The following SDK1 variants were observed in gnomAD, a reference collection of about 807,000 sequenced individuals.
The protein encoded by SDK1 is protein sidekick-1.
SDK1 carries 157 observed loss-of-function variants against 245.5 expected under a neutral mutation model. That is an observed-to-expected ratio of 0.64 (90% CI 0.56 to 0.73). The LOEUF (loss-of-function observed/expected upper bound fraction) is 0.73, where lower values mean the gene tolerates loss of function less well. Ranked by LOEUF, SDK1 falls within the 30% of genes least tolerant of loss-of-function variation. The probability of loss-of-function intolerance (pLI) is 0.00; values close to 1 mark genes in which losing one functional copy is unlikely to be tolerated. For synonymous variants in SDK1, 1,647 were observed against 1,278.5 expected (o/e 1.29, Z -6.15); for missense variants, 3,583 against 3,002.3 (o/e 1.19, Z -4.52).
intron 5 of SDK1, among the ~76,000 whole-genome samples, chr7:3,946,535 T>C (rs769986623): frequency 6.6e-6 from 1 of 152,078 alleles, no homozygotes; most frequent in Non-Finnish European, 1.5e-5. Context: ...TAGGCTCATC[T>C]CAAACTCTTG....
At chr7:3,887,251 C>G (rs1485115889) in intron 5 of SDK1, among the ~76,000 whole-genome samples, 1 of 152,116 alleles carries the variant, frequency 6.6e-6, no homozygotes, top group African/African-American at 2.4e-5. Context: ...TGACTGGAGA[C>G]TTGTGCTTGG....
At chr7:3,434,312 A>G (rs575508570) in intron 1 of SDK1, among the ~76,000 whole-genome samples, 3 of 152,146 alleles carry the variant, frequency 2.0e-5, no homozygotes, top group Non-Finnish European at 2.9e-5. Context: ...AGGAGCCTGT[A>G]AGAGAATTTC....
intron 1 of SDK1, among the ~76,000 whole-genome samples, chr7:3,616,086 C>G (rs1562604660): frequency 1.3e-5 from 2 of 152,116 alleles, no homozygotes; most frequent in African/African-American, 2.4e-5. Flanking sequence ...TGGGGTCTCA[C>G]TGTGTTGTCC....
chr7:4,017,679 A>C (rs951873302), intron 17 of SDK1, among the ~76,000 whole-genome samples: 2 of 152,204 alleles, frequency 1.3e-5, no homozygotes, highest in Admixed American at 1.3e-4. Flanking sequence ...TTTCACAGGA[A>C]AGCTGGCTGT....
intron 2 of SDK1, among the ~76,000 whole-genome samples, chr7:3,638,093 C>T (rs751998257): frequency 4.6e-5 from 7 of 152,232 alleles, no homozygotes; most frequent in African/African-American, 7.2e-5. Context: ...TAACCTTTCT[C>T]ATTCAACCAG....
chr7:3,348,937 A>T (rs141229736), intron 1 of SDK1, among the ~76,000 whole-genome samples: 79 of 152,294 alleles, frequency 5.2e-4, no homozygotes, highest in African/African-American at 1.8e-3. Flanking sequence ...AAAGAGTTTG[A>T]TGCCATGTAG....
At chr7:3,907,210 G>T (rs886148267) in intron 5 of SDK1, among the ~76,000 whole-genome samples, 3 of 152,030 alleles carry the variant, frequency 2.0e-5, no homozygotes, top group East Asian at 3.9e-4. Context: ...GCACATTGTT[G>T]TGTAAACATC....
chr7:3,913,431 C>A (rs1256311333), intron 5 of SDK1, among the ~76,000 whole-genome samples: 1 of 151,930 alleles, frequency 6.6e-6, no homozygotes, highest in Non-Finnish European at 1.5e-5. Context: ...GTAGCTGGGA[C>A]TACAGGCGCT....
At chr7:3,355,564 A>G (rs1002766031) in intron 1 of SDK1, among the ~76,000 whole-genome samples, 8 of 152,150 alleles carry the variant, frequency 5.3e-5, no homozygotes, top group African/African-American at 1.9e-4. Flanking sequence ...TCACCTTCTT[A>G]GATCTTCCCC....
intron 1 of SDK1, among the ~76,000 whole-genome samples, chr7:3,371,859 G>A (rs1781236099): frequency 6.6e-6 from 1 of 152,110 alleles, no homozygotes; most frequent in Admixed American, 6.5e-5. Flanking sequence ...CCTGACAGTC[G>A]GCCAAAATTA....
chr7:3,486,813 C>G (rs1781709899), intron 1 of SDK1, among the ~76,000 whole-genome samples: 1 of 152,024 alleles, frequency 6.6e-6, no homozygotes, highest in Non-Finnish European at 1.5e-5. Flanking sequence ...TGTCCTAAAA[C>G]TTAGATAATT....
intron 1 of SDK1, among the ~76,000 whole-genome samples, chr7:3,481,495 T>A (rs962904392): frequency 5.9e-5 from 9 of 152,238 alleles, no homozygotes; most frequent in African/African-American, 1.9e-4. Flanking sequence ...TTTGGACTGT[T>A]AGTGAGCCTC....
chr7:3,353,137 A>C (rs979052981), intron 1 of SDK1, among the ~76,000 whole-genome samples: 2 of 152,050 alleles, frequency 1.3e-5, no homozygotes, highest in African/African-American at 4.8e-5. Flanking sequence ...TCCTGTTATC[A>C]TTGTTCCCTT....
chr7:3,657,666 C>G (rs150540992), intron 4 of SDK1, among the ~76,000 whole-genome samples: 10 of 152,232 alleles, frequency 6.6e-5, no homozygotes, highest in East Asian at 3.9e-4. Flanking sequence ...GTGGAAGGAG[C>G]TGGCCATCCT....
In SDK1 at chr7:4,265,397, G is replaced by C. The variant is rs1204855088; in HGVS notation, c.*13G>C. 5 of 1,423,530 alleles carry C rather than the reference G, an allele frequency of 3.5e-6. No individual in the cohort carries two copies. The highest frequency in any genetic ancestry group is 4.5e-6 in the Non-Finnish European group (5 of 1,099,256). 88.2% of individuals were successfully genotyped at this position (1,423,530 alleles called of 1,614,324 possible). A position where few individuals can be genotyped will look rare whatever the true frequency, so the allele number is the denominator to read the frequency against. On this transcript the variant is annotated 3_prime_UTR_variant, in exon 45 of 45. Transcript: ENST00000404826. ...CTCCTTCGTGTGAGCAAAGCGCCGCGCCTCCCTCAGGGCGGAACGGAGGCA... is the reference window on the plus strand; with the variant it reads ...CTCCTTCGTGTGAGCAAAGCGCCGCCCCTCCCTCAGGGCGGAACGGAGGCA...
chr7:3,924,735 G>A (rs1394024714), intron 5 of SDK1, among the ~76,000 whole-genome samples: 3 of 152,166 alleles, frequency 2.0e-5, no homozygotes, highest in African/African-American at 7.2e-5. Context: ...GGTTTACCAA[G>A]TGGCATGAAA....
chr7:3,470,649 C>A (rs768791057), intron 1 of SDK1, among the ~76,000 whole-genome samples: 32 of 152,190 alleles, frequency 2.1e-4, no homozygotes, highest in Non-Finnish European at 4.1e-4. Flanking sequence ...GAAAATCTTA[C>A]AAAGAGTTAT....
intron 4 of SDK1, among the ~76,000 whole-genome samples, chr7:3,735,338 C>T (rs1779290325): frequency 6.6e-6 from 1 of 152,186 alleles, no homozygotes; most frequent in Admixed American, 6.5e-5. Context: ...CCTTCCCCCA[C>T]AGCCCCAGGC....
At chr7:3,631,616 T>C (rs1782290255) in intron 2 of SDK1, among the ~76,000 whole-genome samples, 1 of 152,224 alleles carries the variant, frequency 6.6e-6, no homozygotes, top group Non-Finnish European at 1.5e-5. Context: ...GTTGAGTGTT[T>C]TTGTATTTCT....
Sources: allele counts gnomAD v4.1 joint callset (sites outside exome capture counted in the v4.1 genomes callset), GRCh38; gene constraint gnomAD v4.1.1; transcripts MANE v1.5; gene names NCBI Gene and HGNC (gene_info 2026-07-23, HGNC 2026-07-21).